GRIK1: variants seen among roughly 807,000 people sequenced by gnomAD.
The protein encoded by GRIK1 is glutamate receptor ionotropic, kainate 1.
GRIK1 carries 69 observed loss-of-function variants against 105.7 expected under a neutral mutation model. The observed-to-expected ratio is 0.65, with a 90% confidence interval of 0.54 to 0.80. GRIK1 has a LOEUF of 0.80. GRIK1 is among the 30% of genes least tolerant of loss of function. The pLI is 0.00. For missense variants in GRIK1, 1,109 were observed against 1,167.3 expected (o/e 0.95, Z 0.73); for synonymous variants, 438 against 431.3 (o/e 1.02, Z -0.19).
chr21:29,695,947 AC>A (rs1195724582), intron 1 of GRIK1, among the ~76,000 whole-genome samples: 1 of 152,236 alleles, frequency 6.6e-6, no homozygotes, highest in African/African-American at 2.4e-5. Flanking sequence ...AATCACAAAT[AC>A]GCATCATGCG....
intron 4 of GRIK1, among the ~76,000 whole-genome samples, chr21:29,664,285 T>C (rs1161349748): frequency 1.3e-5 from 2 of 152,176 alleles, no homozygotes; most frequent in Non-Finnish European, 2.9e-5. Flanking sequence ...AGAGTTGGAA[T>C]TGGGAAGCCA....
chr21:29,894,753 C>A (rs149673375), intron 1 of GRIK1, among the ~76,000 whole-genome samples: 51 of 152,226 alleles, frequency 3.4e-4, no homozygotes, highest in African/African-American at 1.2e-3. Flanking sequence ...TTTTAATCGG[C>A]GGGATGGCCT....
At chr21:29,723,518 A>C (rs975045049) in intron 1 of GRIK1, among the ~76,000 whole-genome samples, 13 of 152,258 alleles carry the variant, frequency 8.5e-5, no homozygotes, top group African/African-American at 3.1e-4. Context: ...GAGCTTATTG[A>C]AACAAATAGA....
intron 6 of GRIK1, 21 bp from the exon 7 acceptor site, chr21:29,642,990 C>T (rs187943373): frequency 4.0e-4 from 649 of 1,607,892 alleles, no homozygotes; most frequent in Non-Finnish European, 5.3e-4. Context: ...AAACACACAC[C>T]GCATCTTAAA....
chr21:29,776,333 G>C (rs2065943531), intron 1 of GRIK1, among the ~76,000 whole-genome samples: 1 of 152,024 alleles, frequency 6.6e-6, no homozygotes, highest in South Asian at 2.1e-4. Flanking sequence ...TAACATACTT[G>C]GTCAAATACT....
intron 9 of GRIK1, among the ~76,000 whole-genome samples, chr21:29,592,466 G>A (rs1018010449): frequency 1.3e-5 from 2 of 152,146 alleles, no homozygotes; most frequent in African/African-American, 4.8e-5. Flanking sequence ...AGCCTCTGTG[G>A]GAACCCAGAA....
chr21:29,773,484 C>A (rs1237604677), intron 1 of GRIK1, among the ~76,000 whole-genome samples: 1 of 152,114 alleles, frequency 6.6e-6, no homozygotes, highest in African/African-American at 2.4e-5. Context: ...TGACATATGT[C>A]TACCTGTCTT....
intron 1 of GRIK1, among the ~76,000 whole-genome samples, chr21:29,837,124 T>C (rs2067829891): frequency 6.6e-6 from 1 of 152,230 alleles, no homozygotes; most frequent in Admixed American, 6.5e-5. Context: ...AATCGTTTTT[T>C]GGATAGCTAA....
chr21:29,910,398 T>C (rs935117533), intron 1 of GRIK1, among the ~76,000 whole-genome samples: 1 of 152,118 alleles, frequency 6.6e-6, no homozygotes, highest in Admixed American at 6.6e-5. Flanking sequence ...GCAAAAACAG[T>C]CTTTAATTGA....
intron 1 of GRIK1, among the ~76,000 whole-genome samples, chr21:29,889,340 G>T (rs559746353): frequency 6.6e-6 from 1 of 152,036 alleles, no homozygotes; most frequent in East Asian, 1.9e-4. Context: ...TCCATTCTCC[G>T]AGTTCTTTTA....
Position 29,619,917 on chromosome 21 carries a change from C to T in GRIK1, c.1099-20980G>A, listed in dbSNP as rs1022671765. Reference sequence around the variant, plus strand: ...AGCAGGAATATAAAAATCTACAGTGCAGGAATGTTGTGAGGATGAGAGCTA... The same window carrying T: ...AGCAGGAATATAAAAATCTACAGTGTAGGAATGTTGTGAGGATGAGAGCTA... On this transcript the variant is annotated intron_variant, in intron 7 of 17. Coordinates refer to ENST00000327783, the MANE Select transcript of GRIK1 (RefSeq NM_001330994.2). Among the ~76,000 whole-genome samples, 3 of 152,244 alleles carry T rather than the reference C, an allele frequency of 2.0e-5. No individual in the cohort carries two copies. In the East Asian group the frequency reaches 5.8e-4, roughly 29 times the overall value.
At chr21:29,877,242 G>T (rs1005980902) in intron 1 of GRIK1, among the ~76,000 whole-genome samples, 2 of 152,048 alleles carry the variant, frequency 1.3e-5, no homozygotes, top group African/African-American at 4.8e-5. Context: ...TTGATGCTAG[G>T]CAAGGAATAG....
chr21:29,815,914 CA>C (rs2067143826), intron 1 of GRIK1, among the ~76,000 whole-genome samples: 1 of 151,922 alleles, frequency 6.6e-6, no homozygotes, highest in Non-Finnish European at 1.5e-5. Flanking sequence ...GCTAAGATTG[CA>C]AAAGCAATGA....
intron 1 of GRIK1, among the ~76,000 whole-genome samples, chr21:29,799,478 G>C (rs1268339905): frequency 1.3e-5 from 2 of 151,928 alleles, no homozygotes; most frequent in Non-Finnish European, 1.5e-5. Flanking sequence ...TCACTCCAGA[G>C]CCCCAGAGCC....
At chr21:29,650,284 G>T (rs1226367966) in intron 6 of GRIK1, among the ~76,000 whole-genome samples, 2 of 152,158 alleles carry the variant, frequency 1.3e-5, no homozygotes, top group Admixed American at 1.3e-4. Context: ...CATCTTAAAA[G>T]CGAGAGTGCG....
chr21:29,788,531 G>A (rs1365372606), intron 1 of GRIK1, among the ~76,000 whole-genome samples: 1 of 152,146 alleles, frequency 6.6e-6, no homozygotes. Flanking sequence ...TTGGCACCAG[G>A]GACTAGTTTT....
chr21:29,762,940 A>G (rs949834107), intron 1 of GRIK1, among the ~76,000 whole-genome samples: 11 of 152,254 alleles, frequency 7.2e-5, no homozygotes, highest in Non-Finnish European at 4.4e-5. Context: ...TGAGAAAACG[A>G]TGTAAAGCCA....
At chr21:29,630,617 A>G in intron 7 of GRIK1, 1 of 471,242 alleles carries the variant, frequency 2.1e-6, no homozygotes, top group Non-Finnish European at 4.4e-6. Context: ...CCTTGAACCT[A>G]GAATGAGACT....
At chr21:29,895,066 T>C (rs1224911204) in intron 1 of GRIK1, among the ~76,000 whole-genome samples, 1 of 152,160 alleles carries the variant, frequency 6.6e-6, no homozygotes, top group Non-Finnish European at 1.5e-5. Flanking sequence ...ATAGTGGTGG[T>C]GGCAGGGGGC....
Sources: allele counts gnomAD v4.1 joint callset (sites outside exome capture counted in the v4.1 genomes callset), GRCh38; gene constraint gnomAD v4.1.1; transcripts MANE v1.5; gene names NCBI Gene and HGNC (gene_info 2026-07-23, HGNC 2026-07-21).